Variants in BBS9 observed in about 807,000 individuals in gnomAD.
The protein encoded by BBS9 is Bardet-Biedl syndrome 9.
Under a neutral mutation model 117.7 loss-of-function variants are expected in BBS9, and 89 were observed. The observed-to-expected ratio is 0.76, with a 90% CI of 0.64 to 0.90. The LOEUF (loss-of-function observed/expected upper bound fraction) is 0.90, where lower values mean the gene tolerates loss of function less well. Among genes scored for constraint, BBS9 ranks in the 40% least tolerant of loss-of-function variants. The probability of loss-of-function intolerance (pLI) is 0.00; values close to 1 mark genes in which losing one functional copy is unlikely to be tolerated. For synonymous variants in BBS9, 379 were observed against 370.9 expected (o/e 1.02, Z -0.25); for missense variants, 982 against 1,042.2 (o/e 0.94, Z 0.80).
chr7:33,546,530 A>C (rs117621780), intron 21 of BBS9, among the ~76,000 whole-genome samples: 1 of 152,140 alleles, frequency 6.6e-6, no homozygotes, highest in Non-Finnish European at 1.5e-5. Context: ...CTGAAATACT[A>C]TGTTCTTTAC....
chr7:33,257,454 C>A, intron 6 of BBS9, 44 bp downstream of exon 6: 2 of 1,582,754 alleles, frequency 1.3e-6, no homozygotes, highest in South Asian at 1.1e-5. Flanking sequence ...TTTTTTGGTG[C>A]GTTTGTTGCT....
Position 33,171,832 on chromosome 7 carries a change from A to G in BBS9, c.329-5646A>G, listed in dbSNP as rs111327666. ...ATAATTTTGAAAATATGACACAGGTACCCTCCTTAATGTCTTCCCTTAGTC... is the reference window on the plus strand; with the variant it reads ...ATAATTTTGAAAATATGACACAGGTGCCCTCCTTAATGTCTTCCCTTAGTC... On this transcript the variant is annotated intron_variant, in intron 4 of 22. Coordinates refer to ENST00000242067, the MANE Select transcript of BBS9 (RefSeq NM_198428.3). Among the ~76,000 whole-genome samples the G allele has an allele frequency of 6.6e-5, 10 of 152,212 alleles. 1 individual carries two copies. The highest frequency in any genetic ancestry group is 2.4e-4 in the African/African-American group (10 of 41,534).
chr7:33,558,649 A>G (rs1050552414), intron 21 of BBS9, among the ~76,000 whole-genome samples: 3 of 152,172 alleles, frequency 2.0e-5, no homozygotes, highest in African/African-American at 7.2e-5. Flanking sequence ...CTTAGACCAA[A>G]TGAAAGGTGA....
At chr7:33,512,866 C>T (rs1847177521) in intron 20 of BBS9, among the ~76,000 whole-genome samples, 1 of 152,196 alleles carries the variant, frequency 6.6e-6, no homozygotes, top group African/African-American at 2.4e-5. Context: ...TGGAAACGCC[C>T]CTTGGCTCAG....
At chr7:33,464,228 A>G (rs1034454349) in intron 19 of BBS9, among the ~76,000 whole-genome samples, 2 of 152,098 alleles carry the variant, frequency 1.3e-5, no homozygotes, top group African/African-American at 2.4e-5. Flanking sequence ...CTAGGTCAAG[A>G]TAAAACAAAC....
chr7:33,254,401 A>G (rs1029912215), intron 5 of BBS9, among the ~76,000 whole-genome samples: 3 of 152,204 alleles, frequency 2.0e-5, no homozygotes, highest in African/African-American at 4.8e-5. Context: ...TAAAAATTAT[A>G]TATCTTCAAG....
In BBS9 at chr7:33,424,136, T is replaced by C. The variant is rs554735892; in HGVS notation, c.2115+35992T>C. On this transcript the variant is annotated intron_variant, in intron 19 of 22. Coordinates refer to ENST00000242067, the MANE Select transcript of BBS9 (RefSeq NM_198428.3). ...ACACACATACACTATGTGTATTGTATATTTAAAAAAATTCTATCTTTTTGA... is the reference window on the plus strand; with the variant it reads ...ACACACATACACTATGTGTATTGTACATTTAAAAAAATTCTATCTTTTTGA... Among the ~76,000 whole-genome samples, 6 of 152,330 alleles carry C rather than the reference T, an allele frequency of 3.9e-5. No homozygotes were observed. In the South Asian group the frequency reaches 1.2e-3, roughly 32 times the overall value.
chr7:33,405,340 A>G (rs1229332496), intron 19 of BBS9, among the ~76,000 whole-genome samples: 2 of 152,246 alleles, frequency 1.3e-5, no homozygotes, highest in East Asian at 3.9e-4. Context: ...CTTTGGTATC[A>G]GGATGATGCT....
At chr7:33,562,666 C>T (rs967831217) in intron 21 of BBS9, among the ~76,000 whole-genome samples, 5 of 152,180 alleles carry the variant, frequency 3.3e-5, no homozygotes, top group Non-Finnish European at 7.3e-5. Context: ...TGGCTCATGC[C>T]TATAATCCCA....
At chr7:33,325,036 T>G (rs1229260446) in intron 9 of BBS9, among the ~76,000 whole-genome samples, 3 of 152,312 alleles carry the variant, frequency 2.0e-5, no homozygotes, top group African/African-American at 7.2e-5. Flanking sequence ...TTTGTGAAGT[T>G]CTGTTATTAT....
At chr7:33,478,806 A>C (rs990697488) in intron 19 of BBS9, among the ~76,000 whole-genome samples, 4 of 151,264 alleles carry the variant, frequency 2.6e-5, no homozygotes, top group Non-Finnish European at 4.4e-5. Context: ...TACTCTTGAC[A>C]TGTCTGCAAA....
intron 9 of BBS9, among the ~76,000 whole-genome samples, chr7:33,304,986 A>G (rs1049037331): frequency 5.9e-5 from 9 of 152,138 alleles, no homozygotes; most frequent in African/African-American, 2.2e-4. Flanking sequence ...ACCCAGGGAC[A>G]CAAACACTGT....
chr7:33,378,426 T>A (rs1824304504), intron 17 of BBS9, among the ~76,000 whole-genome samples: 1 of 152,218 alleles, frequency 6.6e-6, no homozygotes, highest in African/African-American at 2.4e-5. Flanking sequence ...TTTCGTCCCT[T>A]TGATTTGTCT....
chr7:33,222,371 G>C (rs1007956507), intron 5 of BBS9, among the ~76,000 whole-genome samples: 1 of 152,098 alleles, frequency 6.6e-6, no homozygotes, highest in South Asian at 2.1e-4. Context: ...TGAGCAAAAG[G>C]GTAAGGATCG....
intron 20 of BBS9, among the ~76,000 whole-genome samples, chr7:33,513,131 C>T (rs950546970): frequency 6.6e-6 from 1 of 152,178 alleles, no homozygotes; most frequent in Non-Finnish European, 1.5e-5. Context: ...GACTCCCCGG[C>T]TACCCCCTTC....
chr7:33,509,811 G>A (rs1161525941), intron 20 of BBS9, among the ~76,000 whole-genome samples: 2 of 152,162 alleles, frequency 1.3e-5, no homozygotes, highest in African/African-American at 2.4e-5. Context: ...TATTTAGAAT[G>A]TGCTATTGCT....
chr7:33,420,631 A>G (rs1318755647), intron 19 of BBS9, among the ~76,000 whole-genome samples: 1 of 152,110 alleles, frequency 6.6e-6, no homozygotes, highest in Non-Finnish European at 1.5e-5. Flanking sequence ...AGAGACAGAG[A>G]TGATGCTGAG....
chr7:33,392,890 G>C (rs1827300188), intron 19 of BBS9, among the ~76,000 whole-genome samples: 1 of 152,110 alleles, frequency 6.6e-6, no homozygotes, highest in Non-Finnish European at 1.5e-5. Context: ...AGCAGGCTGG[G>C]TATGGTGACT....
chr7:33,152,832 G>A lies in BBS9; in HGVS notation c.244G>A (p.Glu82Lys), dbSNP rs1793555595. 1.2e-6 allele frequency: 2 copies of A among 1,613,994 alleles called. No homozygotes were observed. Among genetic ancestry groups the A allele is most frequent in the Non-Finnish European group, 8.5e-7 (1 of 1,179,976 alleles). ...VDLRDPVLQVEVGKFVSGTEM... is the reference protein window; with the variant it reads ...VDLRDPVLQVKVGKFVSGTEM... ...TCTACGAGATCCAGTACTTCAAGTG[G>A]AAGTAGGAAAGTTTGTTTCGTAAGT... is the stretch of plus-strand genomic sequence containing the variant. The change falls in exon 3 of 23, where the codon GAA becomes AAA. Residue 82 changes from glutamate to lysine, a missense_variant. Physicochemically the swap from Glu to Lys is moderately conservative, Grantham distance 56. Coordinates refer to ENST00000242067, the MANE Select transcript of BBS9 (RefSeq NM_198428.3).
Sources: gnomAD v4.1 joint callset for allele counts (sites outside exome capture counted in the v4.1 genomes callset) on GRCh38, gnomAD v4.1.1 for gene constraint, MANE v1.5 for transcripts, NCBI Gene and HGNC (gene_info 2026-07-23, HGNC 2026-07-21) for gene names.